OTUD5: variants seen among roughly 807,000 people sequenced by gnomAD.
The protein encoded by OTUD5 is OTU deubiquitinase 5.
Under a neutral mutation model 36.3 loss-of-function variants are expected in OTUD5, and 2 were observed. That is an observed-to-expected ratio of 0.06 (90% CI 0.02 to 0.17). OTUD5 has a LOEUF of 0.17. Among genes scored for constraint, OTUD5 ranks in the 10% least tolerant of loss-of-function variants. The pLI is 1.00. For synonymous variants in OTUD5, 234 were observed against 214.9 expected (o/e 1.09, Z -0.78); for missense variants, 233 against 512.3 (o/e 0.45, Z 5.26).
At chrX:48,936,518 A>G (rs1264593168) in intron 2 of OTUD5, among the ~76,000 whole-genome samples, 3 of 111,289 alleles carry the variant, frequency 2.7e-5, no homozygotes, top group Non-Finnish European at 5.7e-5. Flanking sequence ...AAGTGCCTGG[A>G]TTACAGGTGT....
chrX:48,957,337 A>T lies in OTUD5; in HGVS notation c.234T>A (p.Leu78=). ...QGPLPGPPGA[L]HRWALAVPPG... ...GCGGCACGGCCAGCGCCCAGCGATG[A>T]AGAGCGCCCGGCGGTCCTGGTAGCG... is the stretch of plus-strand genomic sequence containing the variant. Residue 78 remains leucine, a synonymous_variant, in exon 1 of 9, where the codon CTT becomes CTA. Coordinates refer to ENST00000376488, the MANE Select transcript of OTUD5 (RefSeq NM_001136157.2). The T allele has an allele frequency of 1.8e-6, 2 of 1,132,345 alleles. No homozygotes were observed. The allele number at this position is 1,132,345 out of a possible 1,213,427, so 93.3% of individuals were successfully genotyped here.
chrX:48,936,986 T>C (rs898857219), intron 2 of OTUD5, among the ~76,000 whole-genome samples: 2 of 111,730 alleles, frequency 1.8e-5, no homozygotes, highest in African/African-American at 6.5e-5. Context: ...TTCCCCTTCC[T>C]ACCCTGGAGT....
At chrX:48,954,438 G>A (rs1250510061) in intron 1 of OTUD5, among the ~76,000 whole-genome samples, 1 of 111,613 alleles carries the variant, frequency 9.0e-6, no homozygotes, top group African/African-American at 3.3e-5. Flanking sequence ...TGCATAGGAT[G>A]TTTTTCCTCT....
intron 2 of OTUD5, among the ~76,000 whole-genome samples, chrX:48,942,299 T>TACACACACAC (rs61325018): frequency 0.016 from 894 of 55,006 alleles, 16 homozygotes; most frequent in South Asian, 0.023. Flanking sequence ...GCTAGCTAGA[T>TACACACACAC]ACACACACAC....
chrX:48,950,861 C>A (rs782484519), intron 1 of OTUD5, among the ~76,000 whole-genome samples: 1 of 110,625 alleles, frequency 9.0e-6, no homozygotes, highest in East Asian at 2.9e-4. Context: ...CGCACCCGGC[C>A]AACTTCTGTT....
intron 7 of OTUD5, 26 bp from the exon 8 acceptor site, chrX:48,923,772 A>AGGGACCCAGGATCC: frequency 1.7e-6 from 2 of 1,181,798 alleles, no homozygotes; most frequent in Non-Finnish European, 2.3e-6. Context: ...AGTCAAAGGT[A>AGGGACCCAGGATCC]GGGACCCAGG....
At chrX:48,932,837 G>A (rs988975080) in intron 5 of OTUD5, among the ~76,000 whole-genome samples, 7 of 109,979 alleles carry the variant, frequency 6.4e-5, no homozygotes, top group African/African-American at 2.0e-4. Context: ...AACACTGGCC[G>A]GGCATGGTGG....
intron 5 of OTUD5, among the ~76,000 whole-genome samples, chrX:48,931,497 G>C (rs1176047186): frequency 8.9e-6 from 1 of 112,714 alleles, no homozygotes; most frequent in East Asian, 2.8e-4. Flanking sequence ...TAACGTATTA[G>C]GCTGGGCATG....
intron 6 of OTUD5, among the ~76,000 whole-genome samples, chrX:48,924,962 T>C (rs905655963): frequency 9.0e-6 from 1 of 111,334 alleles, no homozygotes; most frequent in Non-Finnish European, 1.9e-5. Flanking sequence ...CACAGACTGG[T>C]AGTAGGTATT....
chrX:48,947,926 G>C (rs964501519), intron 1 of OTUD5, among the ~76,000 whole-genome samples: 4 of 111,744 alleles, frequency 3.6e-5, no homozygotes, highest in Non-Finnish European at 7.5e-5. Flanking sequence ...AGGTAAGCAG[G>C]GAGGACCAGG....
At chrX:48,932,161 G>GATAATAATAATA (rs781824408) in intron 5 of OTUD5, among the ~76,000 whole-genome samples, 3 of 88,822 alleles carry the variant, frequency 3.4e-5, no homozygotes, top group African/African-American at 1.2e-4. Context: ...AAAAAAAGAT[G>GATAATAATAATA]ATAATAATAA....
At chrX:48,951,163 T>C (rs2064135148) in intron 1 of OTUD5, among the ~76,000 whole-genome samples, 1 of 110,910 alleles carries the variant, frequency 9.0e-6, no homozygotes. Flanking sequence ...GGGCAAAAGA[T>C]GGCAGCAGCA....
chrX:48,948,956 G>A (rs1204973892), intron 1 of OTUD5, among the ~76,000 whole-genome samples: 1 of 111,844 alleles, frequency 8.9e-6, no homozygotes, highest in Admixed American at 9.5e-5. Flanking sequence ...TGAAGTTGGA[G>A]CAGGCTGTGG....
chrX:48,950,801 A>G (rs1214501115), intron 1 of OTUD5, among the ~76,000 whole-genome samples: 5 of 109,577 alleles, frequency 4.6e-5, no homozygotes, highest in African/African-American at 1.3e-4. Flanking sequence ...TGACCTCGTG[A>G]TCCACCCGCC....
At chrX:48,930,854 C>T (rs943710747) in intron 5 of OTUD5, among the ~76,000 whole-genome samples, 6 of 109,402 alleles carry the variant, frequency 5.5e-5, no homozygotes, top group East Asian at 2.9e-4. Context: ...CCCAGCTACT[C>T]GGGAGGCTGA....
intron 1 of OTUD5, among the ~76,000 whole-genome samples, 166 bp downstream of exon 1, chrX:48,956,811 G>C (rs782336768): frequency 9.9e-5 from 11 of 111,219 alleles, no homozygotes; most frequent in Non-Finnish European, 2.1e-4. Context: ...AATCCTGGAG[G>C]GGAGGAAAGA....
chrX:48,939,575 GC>G (rs1557050609), intron 2 of OTUD5, among the ~76,000 whole-genome samples: 1 of 111,676 alleles, frequency 9.0e-6, no homozygotes, highest in Non-Finnish European at 1.9e-5. Flanking sequence ...ATGAGTAGAT[GC>G]CCTTGCCACT....
intron 1 of OTUD5, among the ~76,000 whole-genome samples, chrX:48,954,210 C>T (rs1269327404): frequency 2.7e-5 from 3 of 111,102 alleles, no homozygotes; most frequent in Non-Finnish European, 5.7e-5. Flanking sequence ...ATCCTCCCGC[C>T]TCAGCCTCCC....
intron 1 of OTUD5, among the ~76,000 whole-genome samples, chrX:48,949,405 C>T (rs969449795): frequency 1.8e-5 from 2 of 111,802 alleles, no homozygotes; most frequent in Admixed American, 9.5e-5. Context: ...AGGCCAGGTA[C>T]GGTGATTCAC....
Sources: allele counts gnomAD v4.1 joint callset (sites outside exome capture counted in the v4.1 genomes callset), GRCh38; gene constraint gnomAD v4.1.1; transcripts MANE v1.5; gene names NCBI Gene and HGNC (gene_info 2026-07-23, HGNC 2026-07-21).